OSMR: variants seen among roughly 807,000 people sequenced by gnomAD.
OSMR encodes the protein oncostatin-M-specific receptor subunit beta.
A neutral mutation model predicts 99.9 loss-of-function variants in OSMR; 81 were observed. The ratio of observed to expected loss-of-function variants is 0.81; its 90% CI spans 0.68 to 0.97. OSMR has a LOEUF of 0.97. Ranked by LOEUF, OSMR falls within the 50% of genes least tolerant of loss-of-function variation. The probability of loss-of-function intolerance (pLI) is 0.00; values close to 1 mark genes in which losing one functional copy is unlikely to be tolerated. For missense variants in OSMR, 1,099 were observed against 1,153.4 expected (o/e 0.95, Z 0.68); for synonymous variants, 406 against 410.4 (o/e 0.99, Z 0.13).
rs745327692 is a variant in OSMR at position 38,933,006 on chromosome 5, G to C, written c.2502G>C (p.Lys834Asn). 6.2e-7 allele frequency: 1 copy of C among 1,614,120 alleles called. No individual in the cohort carries two copies. The highest frequency in any genetic ancestry group is 8.5e-7 in the Non-Finnish European group (1 of 1,179,988). Residue 834 changes from lysine to asparagine, a missense_variant, in exon 18 of 18, where the codon AAG becomes AAC. Transcript: ENST00000274276. ...CACTCACAGAAACCGAGTTGACTAA[G>C]CCTAACTACCTTTATCTCCTTCCAA... ...RKSLTETELT[K>N]PNYLYLLPTE...
At chr5:38,871,984 C>A (rs995255093) in intron 2 of OSMR, among the ~76,000 whole-genome samples, 1 of 152,142 alleles carries the variant, frequency 6.6e-6, no homozygotes. Flanking sequence ...GATTCCCAAA[C>A]CTGGCCTTCT....
rs779775283 is a variant in OSMR at position 38,885,485 on chromosome 5, G to A, written c.839+1G>A. The A allele has an allele frequency of 9.3e-6, 15 of 1,613,968 alleles. No homozygotes were observed. Among genetic ancestry groups the A allele is most frequent in the Admixed American group, 6.7e-5 (4 of 60,010 alleles). On this transcript the variant is annotated splice_donor_variant, in intron 6 of 17. Coordinates refer to ENST00000274276, the MANE Select transcript of OSMR (RefSeq NM_003999.3). LOFTEE classifies it high-confidence loss of function. ...CCCAAAGCTACACTTTATTTGAATC[G>A]TAAGTTGGCTCTGGTTACATTATTG...
chr5:38,879,727 G>A (rs1292905936), intron 3 of OSMR, among the ~76,000 whole-genome samples: 8 of 150,614 alleles, frequency 5.3e-5, no homozygotes, highest in Non-Finnish European at 1.0e-4. Context: ...GGGTTCTAGC[G>A]ATTCTTCTGC....
At chr5:38,904,224 G>T (rs1426284527) in intron 8 of OSMR, 129 bp from the exon 9 acceptor site, 7 of 1,534,632 alleles carry the variant, frequency 4.6e-6, no homozygotes, top group Non-Finnish European at 6.1e-6. Context: ...TCCCCCCAAA[G>T]AAGAACTGAT....
At chr5:38,859,009 T>C (rs1187408855) in intron 1 of OSMR, among the ~76,000 whole-genome samples, 1 of 152,244 alleles carries the variant, frequency 6.6e-6, no homozygotes, top group East Asian at 1.9e-4. Flanking sequence ...TAGTTCCTAG[T>C]CAGATGAATG....
intron 7 of OSMR, among the ~76,000 whole-genome samples, chr5:38,893,175 C>G (rs1320634370): frequency 6.6e-6 from 1 of 152,230 alleles, no homozygotes; most frequent in Admixed American, 6.5e-5. Context: ...CCAAGCCATG[C>G]AGCTCCAAAT....
Position 38,921,684 on chromosome 5 carries a change from G to C in OSMR, c.1655G>C (p.Gly552Ala), listed in dbSNP as rs764886296. 4 of 1,614,176 alleles carry C rather than the reference G, an allele frequency of 2.5e-6. No homozygotes were observed. The highest frequency in any genetic ancestry group is 3.4e-6 in the Non-Finnish European group (4 of 1,180,034). ...TCTCTGTCTTGGAAACCCCAACCTG[G>C]AGATGTTATAGGCTATGTTGTGGAC... is the stretch of plus-strand genomic sequence containing the variant. The part of the protein sequence containing the change: ...GFSLSWKPQP[G>A]DVIGYVVDWC... The change falls in exon 12 of 18, where the codon GGA (glycine) becomes GCA (alanine). Residue 552 changes from glycine to alanine, a missense_variant. Coordinates refer to ENST00000274276, the MANE Select transcript of OSMR (RefSeq NM_003999.3).
At chr5:38,923,496 C>T (rs1746329942) in intron 13 of OSMR, among the ~76,000 whole-genome samples, 1 of 152,146 alleles carries the variant, frequency 6.6e-6, no homozygotes. Flanking sequence ...TGTGAATAAT[C>T]ATCATTTTAG....
rs1561368477 is a variant in OSMR, at chr5:38,886,088, C to G, written c.889C>G (p.Gln297Glu). The G allele has an allele frequency of 1.2e-6, 2 of 1,613,370 alleles. No individual in the cohort carries two copies. Among genetic ancestry groups the G allele is most frequent in the Non-Finnish European group, 1.7e-6 (2 of 1,179,804 alleles). ...TACACACAAAAACTGGTGTAATTGG[C>G]AAATAACTCAAGACTCACAAGAAAC... is the stretch of plus-strand genomic sequence containing the variant. ...LCTHKNWCNW[Q>E]ITQDSQETYN... is the part of the protein sequence containing the mutation. The change falls in exon 7 of 18, where the codon CAA (glutamine) becomes GAA (glutamate). Residue 297 changes from glutamine (Q) to glutamate (E), a missense_variant. By Grantham distance (29) the Gln-to-Glu change is conservative. Coordinates refer to ENST00000274276, the MANE Select transcript of OSMR (RefSeq NM_003999.3).
chr5:38,944,221 T>A, exon 2 of OSMR: 1 of 610,888 alleles, frequency 1.6e-6, no homozygotes, highest in South Asian at 1.5e-5. Context: ...AAGTCTGGCT[T>A]AATAGAAGAT....
At chr5:38,925,788 T>C (rs1746447851) in intron 15 of OSMR, among the ~76,000 whole-genome samples, 1 of 152,326 alleles carries the variant, frequency 6.6e-6, no homozygotes, top group South Asian at 2.1e-4. Context: ...TGCAGCTAGC[T>C]TTCCTCTGGC....
Position 38,872,799 on chromosome 5 carries a change from T to TA in OSMR, c.74-3398dup, listed in dbSNP as rs1272749461. Among the ~76,000 whole-genome samples, 8 of 152,278 alleles carry TA rather than the reference T, an allele frequency of 5.3e-5. No homozygotes were observed. The East Asian group carries it at 1.5e-3, about 29-fold the overall frequency. On this transcript the variant is annotated intron_variant, in intron 2 of 17. Transcript: ENST00000274276. ...TAAAAAAAATGTCCTTTAAAAATCATAAAATGGGGTACATGTTCCAATACA... is the reference window on the plus strand; with the variant it reads ...TAAAAAAAATGTCCTTTAAAAATCATAAAAATGGGGTACATGTTCCAATACA...
intron 7 of OSMR, 67 bp downstream of exon 7, chr5:38,886,257 C>A: frequency 6.2e-7 from 1 of 1,611,990 alleles, no homozygotes; most frequent in South Asian, 1.1e-5. Context: ...ACTGTGTGAT[C>A]AAGTAAATGT....
intron 1 of OSMR, among the ~76,000 whole-genome samples, chr5:38,864,040 AT>A (rs1741733586): frequency 6.6e-6 from 1 of 152,178 alleles, no homozygotes; most frequent in African/African-American, 2.4e-5. Context: ...GTCTATATGT[AT>A]CTTTATGGGT....
intron 16 of OSMR, among the ~76,000 whole-genome samples, 199 bp downstream of exon 16, chr5:38,932,163 T>C (rs1343167285): frequency 6.6e-6 from 1 of 152,234 alleles, no homozygotes; most frequent in Non-Finnish European, 1.5e-5. Flanking sequence ...CTAATCACCA[T>C]TTAAAATAGA....
chr5:38,917,044 T>C (rs1745940701), intron 9 of OSMR, among the ~76,000 whole-genome samples: 1 of 150,326 alleles, frequency 6.7e-6, no homozygotes, highest in African/African-American at 2.5e-5. Flanking sequence ...GGAGGAGGAG[T>C]GGGATGAGGC....
At chr5:38,922,382 G>T (rs1284740907) in intron 12 of OSMR, among the ~76,000 whole-genome samples, 3 of 152,174 alleles carry the variant, frequency 2.0e-5, no homozygotes, top group Non-Finnish European at 4.4e-5. Flanking sequence ...TCAGTGGTAT[G>T]GTGGGTTGTG....
chr5:38,870,800 G>T (rs1266283156), intron 2 of OSMR, among the ~76,000 whole-genome samples: 3 of 152,180 alleles, frequency 2.0e-5, no homozygotes, highest in Non-Finnish European at 2.9e-5. Flanking sequence ...GGTTAGTTGA[G>T]TTGACATCTT....
intron 7 of OSMR, among the ~76,000 whole-genome samples, chr5:38,898,663 T>A (rs551057171): frequency 6.6e-6 from 1 of 152,154 alleles, no homozygotes; most frequent in African/African-American, 2.4e-5. Flanking sequence ...AGTTGTTTTA[T>A]GGTCTTATCT....
Sources: gnomAD v4.1 joint callset for allele counts (sites outside exome capture counted in the v4.1 genomes callset) on GRCh38, gnomAD v4.1.1 for gene constraint, MANE v1.5 for transcripts, NCBI Gene and HGNC (gene_info 2026-07-23, HGNC 2026-07-21) for gene names.